The following RNF2 variants were observed in gnomAD, a reference collection of about 807,000 sequenced individuals.
RNF2 encodes ring finger protein 2, also known as E3 ubiquitin-protein ligase RING2.
A neutral mutation model predicts 37.2 loss-of-function variants in RNF2; 6 were observed. That is an observed-to-expected ratio of 0.16 (90% CI 0.09 to 0.32). The LOEUF is 0.32. Among genes scored for constraint, RNF2 ranks in the 10% least tolerant of loss-of-function variants. The pLI is 1.00. For missense variants in RNF2, 251 were observed against 404.0 expected, an observed-to-expected ratio of 0.62 and a Z score of 3.25; for synonymous variants, 133 against 132.7, an observed-to-expected ratio of 1.00 and a Z score of -0.02.
At chr1:185,084,209 G>A (rs551030211) in intron 1 of RNF2, among the ~76,000 whole-genome samples, 2 of 151,682 alleles carry the variant, frequency 1.3e-5, no homozygotes, top group Admixed American at 6.6e-5. Flanking sequence ...TAGCCACCCA[G>A]TCTTTAAGTC....
intron 1 of RNF2, among the ~76,000 whole-genome samples, chr1:185,068,295 A>T (rs750628912): frequency 6.6e-6 from 1 of 152,168 alleles, no homozygotes. Context: ...AGGCTGAAAA[A>T]TGTCCCCCAA....
At chr1:185,045,996 C>T (rs1290794769) in intron 1 of RNF2, 1 of 151,946 alleles carries the variant, frequency 6.6e-6, no homozygotes, top group East Asian at 1.9e-4. Flanking sequence ...GCGGTCCCCT[C>T]GCCTCCGGGG....
chr1:185,053,433 C>G (rs1252386013), intron 1 of RNF2, among the ~76,000 whole-genome samples: 6 of 151,794 alleles, frequency 4.0e-5, no homozygotes, highest in Non-Finnish European at 8.8e-5. Context: ...ACTTTGGGCT[C>G]AAGTGATCCT....
intron 1 of RNF2, among the ~76,000 whole-genome samples, chr1:185,067,302 G>C (rs1468099947): frequency 6.6e-6 from 1 of 152,114 alleles, no homozygotes; most frequent in Non-Finnish European, 1.5e-5. Flanking sequence ...TGCGGAAAGT[G>C]GTTTTTATGA....
chr1:185,072,099 G>A (rs1348035568), intron 1 of RNF2: 1 of 152,672 alleles, frequency 6.5e-6, no homozygotes, highest in East Asian at 1.9e-4. Flanking sequence ...CACTGAAATG[G>A]TGGCAGGAGC....
At chr1:185,077,392 T>C (rs960475681) in intron 1 of RNF2, among the ~76,000 whole-genome samples, 3 of 152,060 alleles carry the variant, frequency 2.0e-5, no homozygotes, top group Admixed American at 2.0e-4. Flanking sequence ...CTCATTTTGC[T>C]CCTGACTTTT....
At chr1:185,096,909 T>C (rs562363481) in intron 4 of RNF2, among the ~76,000 whole-genome samples, 1 of 152,144 alleles carries the variant, frequency 6.6e-6, no homozygotes, top group Admixed American at 6.5e-5. Flanking sequence ...TTCTTTGTTC[T>C]GGCAGTAAAC....
At position 185,091,635 on chromosome 1, in the gene RNF2, A is replaced by G. The variant is rs770094200; in HGVS notation, c.144A>G (p.Glu48=). 5.0e-6 allele frequency: 8 copies of G among 1,614,176 alleles called. No homozygotes were observed. Among genetic ancestry groups the G allele is most frequent in the Non-Finnish European group, 6.8e-6 (8 of 1,180,020 alleles). ...TTTCACCTCGAAGTCTACACAGTGA[A>G]TTAATGTGCCCAATTTGTTTGGATA... ...IVVSPRSLHS[E]LMCPICLDML... is the part of the protein sequence containing the mutation. Residue 48 remains glutamate (E), a synonymous_variant, in exon 3 of 7, where the codon GAA becomes GAG. Transcript: ENST00000367510.
chr1:185,079,760 C>G (rs1172768388), intron 1 of RNF2, among the ~76,000 whole-genome samples: 1 of 152,156 alleles, frequency 6.6e-6, no homozygotes, highest in African/African-American at 2.4e-5. Context: ...CAAACCCCGT[C>G]TCTACTAAAA....
chr1:185,095,836 A>G (rs1254910894), intron 4 of RNF2, among the ~76,000 whole-genome samples: 1 of 152,174 alleles, frequency 6.6e-6, no homozygotes, highest in African/African-American at 2.4e-5. Flanking sequence ...ATGTTCGTAT[A>G]TGTCCCTCTA....
chr1:185,070,536 A>G (rs772700446), intron 1 of RNF2, among the ~76,000 whole-genome samples: 12 of 152,240 alleles, frequency 7.9e-5, no homozygotes, highest in Non-Finnish European at 1.0e-4. Flanking sequence ...TGGGATCTCA[A>G]AGAGTTGAAT....
chr1:185,080,980 T>G (rs1236654033), intron 1 of RNF2, among the ~76,000 whole-genome samples: 3 of 152,174 alleles, frequency 2.0e-5, no homozygotes, highest in African/African-American at 7.2e-5. Flanking sequence ...TAGAAATCCC[T>G]CCAATGGATT....
intron 1 of RNF2, among the ~76,000 whole-genome samples, chr1:185,071,382 G>A (rs1031120124): frequency 6.6e-6 from 1 of 152,098 alleles, no homozygotes; most frequent in Non-Finnish European, 1.5e-5. Context: ...TGGGAGATAC[G>A]TGACCCTCTA....
intron 1 of RNF2, among the ~76,000 whole-genome samples, chr1:185,087,345 T>C (rs1307775669): frequency 6.6e-6 from 1 of 152,160 alleles, no homozygotes; most frequent in East Asian, 1.9e-4. Flanking sequence ...GCCAAAAGTT[T>C]CCATCAAGCC....
chr1:185,070,883 G>C (rs533852432), intron 1 of RNF2, among the ~76,000 whole-genome samples: 1 of 151,910 alleles, frequency 6.6e-6, no homozygotes, highest in Non-Finnish European at 1.5e-5. Context: ...TGATCCGCCC[G>C]CCTCGGCCTC....
At chr1:185,064,585 C>T (rs1158896965) in intron 1 of RNF2, among the ~76,000 whole-genome samples, 2 of 152,198 alleles carry the variant, frequency 1.3e-5, no homozygotes, top group Non-Finnish European at 2.9e-5. Context: ...ATATTTTCAA[C>T]TTACTGTGGT....
chr1:185,090,848 C>T (rs1651746908), intron 2 of RNF2, among the ~76,000 whole-genome samples: 5 of 152,118 alleles, frequency 3.3e-5, no homozygotes, highest in Admixed American at 3.3e-4. Flanking sequence ...GGAGATATGT[C>T]CTGAAATTTT....
rs1042607656 is a variant in RNF2 at position 185,091,211 on chromosome 1, C to A, written c.88-368C>A. Among the ~76,000 whole-genome samples the A allele has an allele frequency of 1.1e-4, 17 of 152,240 alleles. 1 individual carries two copies. The highest frequency in any genetic ancestry group is 4.1e-4 in the African/African-American group (17 of 41,546). On this transcript the variant is annotated intron_variant, in intron 2 of 6. Coordinates refer to ENST00000367510, the MANE Select transcript of RNF2 (RefSeq NM_007212.4). ...CTTTCTCATTTTGCAGGTAAGAAGA[C>A]AATGTTAAATAATTATTTAGACTCA...
chr1:185,061,754 G>A (rs534383673), intron 1 of RNF2, among the ~76,000 whole-genome samples: 9 of 152,298 alleles, frequency 5.9e-5, no homozygotes, highest in African/African-American at 2.2e-4. Context: ...CATTGCTAAA[G>A]GTAGAGTATT....
Sources: allele counts gnomAD v4.1 joint callset (sites outside exome capture counted in the v4.1 genomes callset), GRCh38; gene constraint gnomAD v4.1.1; transcripts MANE v1.5; gene names NCBI Gene and HGNC (gene_info 2026-07-23, HGNC 2026-07-21).